KCMF1: variants seen among roughly 807,000 people sequenced by gnomAD.
KCMF1 encodes E3 ubiquitin-protein ligase KCMF1.
KCMF1 carries 3 observed loss-of-function variants against 41.1 expected under a neutral mutation model. The ratio of observed to expected loss-of-function variants is 0.07; its 90% CI spans 0.03 to 0.19. The LOEUF is 0.19. KCMF1 is among the 10% of genes least tolerant of loss of function. The pLI is 1.00. For missense variants in KCMF1, 286 were observed against 488.9 expected (o/e 0.58, Z 3.91); for synonymous variants, 142 against 164.5 (o/e 0.86, Z 1.04).
chr2:85,007,418 A>G, intron 1 of KCMF1, among the ~76,000 whole-genome samples: 1 of 152,218 alleles, frequency 6.6e-6, no homozygotes, highest in East Asian at 1.9e-4. Flanking sequence ...GCACCTTGGA[A>G]ACTCAGGACC....
chr2:85,042,086 C>G (rs1675554062), intron 3 of KCMF1, among the ~76,000 whole-genome samples: 1 of 152,204 alleles, frequency 6.6e-6, no homozygotes, highest in Admixed American at 6.5e-5. Context: ...GCAGGTCTAT[C>G]TACTTCTTTT....
intron 1 of KCMF1, among the ~76,000 whole-genome samples, chr2:85,012,598 T>C (rs925568518): frequency 6.6e-6 from 1 of 152,218 alleles, no homozygotes; most frequent in Non-Finnish European, 1.5e-5. Context: ...ACCAACTGTT[T>C]ACTGTACCTT....
intron 1 of KCMF1, among the ~76,000 whole-genome samples, chr2:84,986,806 C>T (rs752278959): frequency 9.2e-5 from 14 of 151,992 alleles, no homozygotes; most frequent in Admixed American, 2.6e-4. Context: ...CGCTTGAACC[C>T]GAGAGGTGGA....
intron 6 of KCMF1, 51 bp downstream of exon 6, chr2:85,049,699 A>G: frequency 2.1e-6 from 3 of 1,408,384 alleles, no homozygotes; most frequent in Non-Finnish European, 2.9e-6. Context: ...TTTTATTGCC[A>G]CTACAGTCTG....
chr2:85,003,857 G>A lies in KCMF1; in HGVS notation c.17-24032G>A, dbSNP rs143270713. On this transcript the variant is annotated intron_variant, in intron 1 of 6. Coordinates refer to ENST00000409785, the MANE Select transcript of KCMF1 (RefSeq NM_020122.5). ...ATGTAGCAAGCATGTAATTGTGTGA[G>A]GAAGCTAAAAAGGGTTAGCATAGGG... Among the ~76,000 whole-genome samples, 431 of 152,254 alleles carry A rather than the reference G, an allele frequency of 2.8e-3. 2 individuals are homozygous for A. The highest frequency in any genetic ancestry group is 6.9e-3 in the Admixed American group (106 of 15,298).
At chr2:85,001,168 A>AT (rs1323295303) in intron 1 of KCMF1, among the ~76,000 whole-genome samples, 2 of 144,746 alleles carry the variant, frequency 1.4e-5, no homozygotes, top group Admixed American at 1.4e-4. Flanking sequence ...TAATTTTTTC[A>AT]TTTTTTTGAG....
chr2:84,980,383 C>CA (rs1257636606), intron 1 of KCMF1, among the ~76,000 whole-genome samples: 15 of 152,154 alleles, frequency 9.9e-5, no homozygotes, highest in Admixed American at 6.5e-5. Context: ...AACCAGCTCT[C>CA]ACGCCTGATG....
Position 85,021,216 on chromosome 2 carries a change from C to T in KCMF1, c.17-6673C>T, listed in dbSNP as rs1028490180. The stretch of plus-strand genomic sequence containing the variant: ...CATCATTTGGTTGTCTTAAGTTGAT[C>T]GGGGAGTCTCACTGCAGCTTTTGAG... On this transcript the variant is annotated intron_variant, in intron 1 of 6. Transcript: ENST00000409785. Among the ~76,000 whole-genome samples, 6 of 152,184 alleles carry T rather than the reference C, an allele frequency of 3.9e-5. No homozygotes were observed. In the South Asian group the frequency reaches 1.2e-3, roughly 32 times the overall value.
intron 1 of KCMF1, among the ~76,000 whole-genome samples, chr2:85,013,785 G>A (rs1029846945): frequency 6.8e-6 from 1 of 147,678 alleles, no homozygotes; most frequent in Non-Finnish European, 1.5e-5. Context: ...GCGACAGAGC[G>A]AGACTCTGTC....
At chr2:85,016,945 C>T (rs890769919) in intron 1 of KCMF1, among the ~76,000 whole-genome samples, 4 of 151,560 alleles carry the variant, frequency 2.6e-5, no homozygotes, top group East Asian at 3.9e-4. Context: ...CCATCTCAGG[C>T]GTGAGCCACT....
At chr2:85,052,257 A>T (rs954089934) in intron 6 of KCMF1, among the ~76,000 whole-genome samples, 1 of 151,970 alleles carries the variant, frequency 6.6e-6, no homozygotes, top group African/African-American at 2.4e-5. Flanking sequence ...TTTTAGTAGA[A>T]ATGGGGTTTC....
At chr2:85,045,844 T>TGG (rs1166048963) in intron 4 of KCMF1, among the ~76,000 whole-genome samples, 1 of 152,108 alleles carries the variant, frequency 6.6e-6, no homozygotes. Flanking sequence ...GTATTTGAGA[T>TGG]TTCATGAGCT....
chr2:84,982,389 C>CTTTTTTT (rs34687477), intron 1 of KCMF1, among the ~76,000 whole-genome samples: 1,200 of 47,460 alleles, frequency 0.025, 80 homozygotes, highest in Middle Eastern at 0.1. Context: ...TCCTTATTTT[C>CTTTTTTT]TTTTTTTTTT....
intron 1 of KCMF1, among the ~76,000 whole-genome samples, chr2:85,012,085 G>T (rs1416050287): frequency 6.6e-6 from 1 of 152,188 alleles, no homozygotes; most frequent in Non-Finnish European, 1.5e-5. Flanking sequence ...TGTAGAGGAA[G>T]GGCAAAGGGA....
At chr2:84,977,307 C>T (rs1350856211) in intron 1 of KCMF1, among the ~76,000 whole-genome samples, 1 of 152,200 alleles carries the variant, frequency 6.6e-6, no homozygotes, top group East Asian at 1.9e-4. Context: ...AATGCAGTGC[C>T]TTTTGCCTCC....
intron 1 of KCMF1, among the ~76,000 whole-genome samples, chr2:84,995,318 G>A (rs945099352): frequency 2.6e-5 from 4 of 152,094 alleles, no homozygotes; most frequent in African/African-American, 9.7e-5. Flanking sequence ...ACCGTGCCTG[G>A]CCAATTTTAT....
At position 84,971,384 on chromosome 2, in the gene KCMF1, C is replaced by A; in HGVS notation, c.-68C>A. 9.4e-7 allele frequency: 1 copy of A among 1,066,210 alleles called. No homozygotes were observed. Among genetic ancestry groups the A allele is most frequent in the South Asian group, 3.8e-5 (1 of 26,178 alleles). 66.0% of individuals were successfully genotyped at this position (1,066,210 alleles called of 1,614,324 possible). A position where few individuals can be genotyped will look rare whatever the true frequency, so the allele number is the denominator to read the frequency against. On this transcript the variant is annotated 5_prime_UTR_variant, in exon 1 of 7. Transcript: ENST00000409785. ...AGTCGGCCGGCCGGCGCGGGCAGCGCCGGGACCCCGCGGGGGACACTGCAG... is the reference window on the plus strand; with the variant it reads ...AGTCGGCCGGCCGGCGCGGGCAGCGACGGGACCCCGCGGGGGACACTGCAG...
chr2:85,011,146 A>G (rs921170962), intron 1 of KCMF1, among the ~76,000 whole-genome samples: 2 of 151,936 alleles, frequency 1.3e-5, no homozygotes, highest in African/African-American at 4.8e-5. Flanking sequence ...CGGCCAGTCT[A>G]TTACTTTTAT....
intron 1 of KCMF1, among the ~76,000 whole-genome samples, chr2:84,973,560 G>A (rs138370421): frequency 2.6e-4 from 39 of 152,210 alleles, no homozygotes; most frequent in African/African-American, 9.4e-4. Context: ...TACAATATTC[G>A]ACAAGTGATT....
Sources: gnomAD v4.1 joint callset for allele counts (sites outside exome capture counted in the v4.1 genomes callset) on GRCh38, gnomAD v4.1.1 for gene constraint, MANE v1.5 for transcripts, NCBI Gene and HGNC (gene_info 2026-07-23, HGNC 2026-07-21) for gene names.